Variants in MEF2C observed in about 807,000 individuals in gnomAD.
MEF2C encodes myocyte enhancer factor 2C, also known as myocyte-specific enhancer factor 2C.
Under a neutral mutation model 50.5 loss-of-function variants are expected in MEF2C, and 6 were observed. The observed-to-expected ratio is 0.12, with a 90% CI of 0.07 to 0.23. The LOEUF (loss-of-function observed/expected upper bound fraction) is 0.23. Ranked by LOEUF, MEF2C falls within the 10% of genes least tolerant of loss-of-function variation. MEF2C has a pLI of 1.00. For missense variants in MEF2C, 276 were observed against 605.0 expected (o/e 0.46, Z 5.70); for synonymous variants, 183 against 228.0 (o/e 0.80, Z 1.78).
Position 88,772,950 on chromosome 5 carries a change from G to A in MEF2C, c.259-11622C>T, listed in dbSNP as rs1049787613. On this transcript the variant is annotated intron_variant, in intron 3 of 10. Coordinates refer to ENST00000504921, the MANE Select transcript of MEF2C (RefSeq NM_002397.5). ...ATATGCCATCCCAGAGACTGCCATT[G>A]ACAACTGTTAACACATACTGCTCAA... 3 of 974,064 alleles carry A rather than the reference G, an allele frequency of 3.1e-6. No individual in the cohort carries two copies. The African/African-American group carries it at 5.3e-5, about 17-fold the overall frequency. The allele number at this position is 974,064 out of a possible 1,614,324, so 60.3% of individuals were successfully genotyped here. A position where few individuals can be genotyped will look rare whatever the true frequency, so the allele number is the denominator to read the frequency against.
chr5:88,751,479 G>C (rs1772716936), intron 5 of MEF2C: 1 of 985,236 alleles, frequency 1.0e-6, no homozygotes, highest in Admixed American at 6.2e-5. Flanking sequence ...AGAACACAGG[G>C]GAAGGTTTCA....
intron 1 of MEF2C, among the ~76,000 whole-genome samples, chr5:88,882,567 C>T (rs1299625627): frequency 1.3e-5 from 2 of 152,164 alleles, no homozygotes; most frequent in Non-Finnish European, 2.9e-5. Flanking sequence ...AGTGAACTAA[C>T]TGCTAAATCT....
chr5:88,719,904 A>G lies in MEF2C; in HGVS notation c.*2700T>C, dbSNP rs886060859. 6.6e-6 allele frequency: 1 copy of G among 152,222 alleles called. No homozygotes were observed. Among genetic ancestry groups the G allele is most frequent in the Non-Finnish European group, 1.5e-5 (1 of 68,028 alleles). The allele number at this position is 152,222 out of a possible 1,614,324, so 9.4% of individuals were successfully genotyped here. ...TTATAAAACTATTGTCAGAACTGCT[A>G]TAAATAGCCAAGGCTTCTGCTGGTA... On this transcript the variant is annotated 3_prime_UTR_variant, in exon 11 of 11. Coordinates refer to ENST00000504921, the MANE Select transcript of MEF2C (RefSeq NM_002397.5).
At chr5:88,779,974 C>T (rs907557099) in intron 3 of MEF2C, among the ~76,000 whole-genome samples, 7 of 151,540 alleles carry the variant, frequency 4.6e-5, no homozygotes, top group Admixed American at 4.6e-4. Context: ...GTGAAACCCC[C>T]TCTCTACTAA....
chr5:88,804,282 T>A lies in MEF2C; in HGVS notation c.258+316A>T, dbSNP rs534480726. 2.6e-5 allele frequency among the ~76,000 whole-genome samples: 4 copies of A among 152,196 alleles called. No individual in the cohort carries two copies. The East Asian group carries it at 5.8e-4, about 22-fold the overall frequency. On this transcript the variant is annotated intron_variant, in intron 3 of 10. Coordinates refer to ENST00000504921, the MANE Select transcript of MEF2C (RefSeq NM_002397.5). Reference sequence around the variant, plus strand: ...TGGATGAGCTATTCCCTGGCAAGAGTTCCCAACCATGGTGTCCTGATACAC... The same window carrying A: ...TGGATGAGCTATTCCCTGGCAAGAGATCCCAACCATGGTGTCCTGATACAC...
chr5:88,802,513 C>T lies in MEF2C; in HGVS notation c.258+2085G>A, dbSNP rs555961362. ...TCAGGCTGGAGTGCAGAGGCACAATCTAGGCTCACTGAGGCCTTGACCTCT... is the reference window on the plus strand; with the variant it reads ...TCAGGCTGGAGTGCAGAGGCACAATTTAGGCTCACTGAGGCCTTGACCTCT... On this transcript the variant is annotated intron_variant, in intron 3 of 10. Coordinates refer to ENST00000504921, the MANE Select transcript of MEF2C (RefSeq NM_002397.5). Among the ~76,000 whole-genome samples the T allele has an allele frequency of 2.0e-5, 3 of 152,344 alleles. No individual in the cohort carries two copies. In the South Asian group the frequency reaches 6.2e-4, roughly 32 times the overall value.
chr5:88,900,215 C>A (rs537997843), intron 1 of MEF2C, among the ~76,000 whole-genome samples: 50 of 151,644 alleles, frequency 3.3e-4, no homozygotes, highest in African/African-American at 1.2e-3. Flanking sequence ...ATATTATCAA[C>A]AAATTATATA....
chr5:88,742,342 G>A, intron 6 of MEF2C: 1 of 984,740 alleles, frequency 1.0e-6, no homozygotes, highest in Non-Finnish European at 1.2e-6. Flanking sequence ...ACTGCTTTGA[G>A]AAAAAAAGAC....
intron 3 of MEF2C, among the ~76,000 whole-genome samples, chr5:88,781,534 G>A (rs765824059): frequency 1.3e-5 from 2 of 152,248 alleles, no homozygotes; most frequent in African/African-American, 2.4e-5. Flanking sequence ...TAAAATGTGT[G>A]TCTGTCCCTC....
intron 1 of MEF2C, among the ~76,000 whole-genome samples, chr5:88,850,356 T>C (rs951163652): frequency 6.6e-6 from 1 of 152,198 alleles, no homozygotes; most frequent in Non-Finnish European, 1.5e-5. Context: ...ACAGATGAAA[T>C]GGAGGCAAAG....
chr5:88,729,038 A>G (rs562028187), intron 9 of MEF2C, among the ~76,000 whole-genome samples, 180 bp downstream of exon 9: 3 of 152,348 alleles, frequency 2.0e-5, no homozygotes, highest in African/African-American at 7.2e-5. Flanking sequence ...ACTTTCAGTC[A>G]GTTAAGAAAG....
chr5:88,817,323 CTT>C (rs1294830968), intron 2 of MEF2C, among the ~76,000 whole-genome samples: 1 of 151,904 alleles, frequency 6.6e-6, no homozygotes, highest in African/African-American at 2.4e-5. Context: ...CTATACATCT[CTT>C]TTTATTTTTC....
intron 3 of MEF2C, among the ~76,000 whole-genome samples, chr5:88,770,376 C>G (rs996662340): frequency 2.0e-5 from 3 of 152,120 alleles, no homozygotes; most frequent in Non-Finnish European, 4.4e-5. Flanking sequence ...ATTTTTATTT[C>G]CTAGTTGTAA....
At chr5:88,742,242 A>T (rs1173091000) in intron 6 of MEF2C, 5 of 985,368 alleles carry the variant, frequency 5.1e-6, no homozygotes, top group Non-Finnish European at 6.0e-6. Flanking sequence ...TTATGAAAAA[A>T]GCTTTCCTTT....
intron 1 of MEF2C, among the ~76,000 whole-genome samples, chr5:88,900,440 T>C (rs1207658097): frequency 1.3e-5 from 2 of 151,882 alleles, no homozygotes; most frequent in Non-Finnish European, 2.9e-5. Flanking sequence ...CTTATATTTT[T>C]GATTTCTACA....
chr5:88,722,499 TCCACACACG>T lies in MEF2C; in HGVS notation c.*96_*104del. 2.9e-6 allele frequency: 3 copies of T among 1,036,408 alleles called. No homozygotes were observed. The highest frequency in any genetic ancestry group is 2.4e-4 in the Middle Eastern group (1 of 4,214). The allele number at this position is 1,036,408 out of a possible 1,614,324, so 64.2% of individuals were successfully genotyped here. ...AACAGAGTACCTGACTTTTTTTTTT[TCCACACACG>T]GCACATATAATGCATATCGACCCCC... is the stretch of plus-strand genomic sequence containing the variant. On this transcript the variant is annotated 3_prime_UTR_variant, in exon 11 of 11. Coordinates refer to ENST00000504921, the MANE Select transcript of MEF2C (RefSeq NM_002397.5).
At chr5:88,903,255 G>T (rs913893501) in intron 1 of MEF2C, among the ~76,000 whole-genome samples, 2 of 151,828 alleles carry the variant, frequency 1.3e-5, no homozygotes. Context: ...TAATTTCAAA[G>T]ATTTTTCTCA....
At chr5:88,778,502 A>G (rs939114946) in intron 3 of MEF2C, among the ~76,000 whole-genome samples, 1 of 152,102 alleles carries the variant, frequency 6.6e-6, no homozygotes, top group Non-Finnish European at 1.5e-5. Context: ...GGGTTGAGGG[A>G]ATAGATTGGG....
At chr5:88,760,851 T>G in intron 4 of MEF2C, 1 of 961,536 alleles carries the variant, frequency 1.0e-6, no homozygotes, top group Non-Finnish European at 1.5e-6. Context: ...GCTTTCTAAA[T>G]GAGCTGCCCG....
Sources: gnomAD v4.1 joint callset for allele counts (sites outside exome capture counted in the v4.1 genomes callset) on GRCh38, gnomAD v4.1.1 for gene constraint, MANE v1.5 for transcripts, NCBI Gene and HGNC (gene_info 2026-07-23, HGNC 2026-07-21) for gene names.